The following SFMBT2 variants were observed in gnomAD, a reference collection of about 807,000 sequenced individuals.
The protein encoded by SFMBT2 is scm-like with four MBT domains protein 2.
SFMBT2 carries 38 observed loss-of-function variants against 110.1 expected under a neutral mutation model. The observed-to-expected ratio is 0.35, with a 90% confidence interval of 0.27 to 0.45. The LOEUF is 0.45. SFMBT2 is among the 20% of genes least tolerant of loss of function. The pLI, the probability that SFMBT2 is intolerant of heterozygous loss-of-function variation, is 1.00. For synonymous variants in SFMBT2, 425 were observed against 425.4 expected (o/e 1.00, Z 0.01); for missense variants, 1,011 against 1,094.9 (o/e 0.92, Z 1.08).
At chr10:7,288,509 C>T (rs766046370) in intron 4 of SFMBT2, among the ~76,000 whole-genome samples, 1 of 152,118 alleles carries the variant, frequency 6.6e-6, no homozygotes. Flanking sequence ...TCTCTTCCTT[C>T]GTTATAGATG....
chr10:7,210,992 G>A (rs1001584496), intron 11 of SFMBT2, among the ~76,000 whole-genome samples: 2 of 152,036 alleles, frequency 1.3e-5, no homozygotes, highest in Non-Finnish European at 1.5e-5. Flanking sequence ...CATTCCAAGC[G>A]TTCAATCCTC....
chr10:7,342,396 C>CGTTTTTTTTTTT (rs1843939484), intron 4 of SFMBT2, among the ~76,000 whole-genome samples: 1 of 69,628 alleles, frequency 1.4e-5, no homozygotes, highest in Non-Finnish European at 2.8e-5. Flanking sequence ...TGGAGTGAGT[C>CGTTTTTTTTTTT]TTTTTTTTTT....
chr10:7,238,910 C>A (rs1840347132), intron 9 of SFMBT2, among the ~76,000 whole-genome samples: 1 of 152,102 alleles, frequency 6.6e-6, no homozygotes. Context: ...TTTCATAGTG[C>A]CTGTGAAACT....
At position 7,171,587 on chromosome 10, in the gene SFMBT2, T is replaced by G; in HGVS notation, c.2415+308A>C. 12 of 985,174 alleles carry G rather than the reference T, an allele frequency of 1.2e-5. No homozygotes were observed. Among genetic ancestry groups the G allele is most frequent in the Non-Finnish European group, 1.4e-5 (12 of 829,792 alleles). The allele number at this position is 985,174 out of a possible 1,614,324, so 61.0% of individuals were successfully genotyped here. A position where few individuals can be genotyped will look rare whatever the true frequency, so the allele number is the denominator to read the frequency against. On this transcript the variant is annotated intron_variant, in intron 19 of 20. Transcript: ENST00000397167. The surrounding 1 kb of genome is among the most constrained non-coding windows in gnomAD (Gnocchi z 4.9). ...AGTCAGGGGAGATGCGGGGAAGGAA[T>G]TTCTGGAAACCCAGACTTCAAAGGA... is the stretch of plus-strand genomic sequence containing the variant.
rs1339123384 is a variant in SFMBT2 at position 7,408,248 on chromosome 10, G to A, written c.-52+2613C>T. ...CGGCCCCGGGAGGGCGCGCCCAAAC[G>A]CAGGCTGGAGGAGCCACGGACGCGT... On this transcript the variant is annotated intron_variant, in intron 1 of 20. Transcript: ENST00000397167. The surrounding 1 kb of genome is among the most constrained non-coding windows in gnomAD (Gnocchi z 5.7). Among the ~76,000 whole-genome samples the A allele has an allele frequency of 1.3e-5, 2 of 152,198 alleles. No homozygotes were observed. Among genetic ancestry groups the A allele is most frequent in the African/African-American group, 4.8e-5 (2 of 41,454 alleles).
At chr10:7,180,727 C>T (rs1053108319) in intron 16 of SFMBT2, among the ~76,000 whole-genome samples, 3 of 152,026 alleles carry the variant, frequency 2.0e-5, no homozygotes, top group East Asian at 3.9e-4. Context: ...GATGGAAGTG[C>T]GGGAGGGACG....
In SFMBT2 at chr10:7,222,569, C is replaced by T. The variant is rs183512244; in HGVS notation, c.1204-2032G>A. ...CAGTTTCTACTTTCAGCATGCTTTA[C>T]GGCTGTTAATTACCTAACACAAACA... On this transcript the variant is annotated intron_variant, in intron 10 of 20. Coordinates refer to ENST00000397167, the MANE Select transcript of SFMBT2 (RefSeq NM_001387889.1). 7.9e-5 allele frequency among the ~76,000 whole-genome samples: 12 copies of T among 152,176 alleles called. No homozygotes were observed. The East Asian group carries it at 1.4e-3, about 17-fold the overall frequency.
intron 4 of SFMBT2, among the ~76,000 whole-genome samples, chr10:7,344,692 C>A (rs945080631): frequency 1.3e-5 from 2 of 151,966 alleles, no homozygotes; most frequent in Non-Finnish European, 2.9e-5. Flanking sequence ...ATGGGCCAGG[C>A]GCGGTGGCTC....
intron 4 of SFMBT2, among the ~76,000 whole-genome samples, chr10:7,296,542 A>G (rs534162459): frequency 3.0e-4 from 46 of 152,336 alleles, no homozygotes; most frequent in Admixed American, 4.6e-4. Context: ...AATTTTTCCC[A>G]ATATTCCCGT....
At chr10:7,236,802 C>T (rs373940508) in intron 9 of SFMBT2, among the ~76,000 whole-genome samples, 2 of 151,826 alleles carry the variant, frequency 1.3e-5, no homozygotes, top group Admixed American at 6.6e-5. Context: ...CTTCAATATG[C>T]CATTAAAAAA....
chr10:7,219,371 C>T (rs1839649533), intron 11 of SFMBT2, among the ~76,000 whole-genome samples: 1 of 152,184 alleles, frequency 6.6e-6, no homozygotes, highest in South Asian at 2.1e-4. Flanking sequence ...ACTTCAGTAA[C>T]GTTTTAAACA....
intron 4 of SFMBT2, among the ~76,000 whole-genome samples, chr10:7,343,242 G>A (rs1001846051): frequency 2.0e-5 from 3 of 151,744 alleles, no homozygotes; most frequent in African/African-American, 4.8e-5. Flanking sequence ...TAATGGCTGC[G>A]TAGTATTCCA....
At chr10:7,259,905 G>T (rs902263345) in intron 7 of SFMBT2, among the ~76,000 whole-genome samples, 4 of 152,220 alleles carry the variant, frequency 2.6e-5, no homozygotes, top group Admixed American at 1.3e-4. Context: ...TGCAGACCCG[G>T]TGCTGCCAGT....
intron 8 of SFMBT2, chr10:7,246,090 C>CAGAT (rs1840599425): frequency 2.1e-6 from 2 of 936,090 alleles, no homozygotes; most frequent in South Asian, 4.9e-5. Context: ...TTCTAAAAGA[C>CAGAT]AGATGCACAT....
chr10:7,167,588 C>A (rs112745754), intron 20 of SFMBT2, among the ~76,000 whole-genome samples: 7 of 152,202 alleles, frequency 4.6e-5, no homozygotes, highest in African/African-American at 1.7e-4. Context: ...ACAATGCCTG[C>A]GGTGACCTAC....
chr10:7,387,108 T>C (rs1383412775), intron 1 of SFMBT2, among the ~76,000 whole-genome samples: 1 of 152,046 alleles, frequency 6.6e-6, no homozygotes, highest in African/African-American at 2.4e-5. Context: ...GAAGGGGCAA[T>C]GAAAAGAAAT....
At chr10:7,214,661 CA>C (rs1839471673) in intron 11 of SFMBT2, 1 of 985,492 alleles carries the variant, frequency 1.0e-6, no homozygotes, top group East Asian at 1.1e-4. Flanking sequence ...CTGTGCTTGT[CA>C]GTGTGGAATG....
intron 15 of SFMBT2, among the ~76,000 whole-genome samples, chr10:7,193,862 G>A (rs151012564): frequency 1.5e-4 from 23 of 152,326 alleles, no homozygotes; most frequent in African/African-American, 5.5e-4. Flanking sequence ...CATAGGAGGC[G>A]AGCAATCTCC....
intron 2 of SFMBT2, among the ~76,000 whole-genome samples, chr10:7,376,903 G>T (rs143361695): frequency 0.038 from 5,631 of 148,958 alleles, 344 homozygotes; most frequent in African/African-American, 0.13. Context: ...CGAGTGTGGT[G>T]GCTCACGCCT....
Sources: allele counts gnomAD v4.1 joint callset (sites outside exome capture counted in the v4.1 genomes callset), GRCh38; gene constraint gnomAD v4.1.1; non-coding constraint Gnocchi (gnomAD v3.1); transcripts MANE v1.5; gene names NCBI Gene and HGNC (gene_info 2026-07-23, HGNC 2026-07-21).